Variants in SGK3 observed in about 807,000 individuals in gnomAD.
SGK3 encodes the protein serine/threonine-protein kinase Sgk3.
SGK3 carries 47 observed loss-of-function variants against 68.5 expected under a neutral mutation model. That is an observed-to-expected ratio of 0.69 (90% confidence interval 0.54 to 0.87). The LOEUF is 0.87. Ranked by LOEUF, SGK3 falls within the 40% of genes least tolerant of loss-of-function variation. SGK3 has a pLI of 0.00. For synonymous variants in SGK3, 181 were observed against 189.1 expected (o/e 0.96, Z 0.35); for missense variants, 479 against 575.5 (o/e 0.83, Z 1.72).
intron 4 of SGK3, among the ~76,000 whole-genome samples, chr8:66,806,906 A>G (rs1220109325): frequency 6.6e-6 from 1 of 152,168 alleles, no homozygotes; most frequent in Non-Finnish European, 1.5e-5. Flanking sequence ...TTGGTATAAC[A>G]GTGAAGTATC....
At chr8:66,716,419 A>C (rs1804633213) in intron 1 of SGK3, among the ~76,000 whole-genome samples, 1 of 152,176 alleles carries the variant, frequency 6.6e-6, no homozygotes, top group African/African-American at 2.4e-5. Flanking sequence ...AAAGGGAATT[A>C]GGGCAGTGTG....
intron 1 of SGK3, among the ~76,000 whole-genome samples, chr8:66,780,466 G>A (rs1806927694): frequency 6.6e-6 from 1 of 152,162 alleles, no homozygotes; most frequent in East Asian, 1.9e-4. Context: ...GATGAGGGAG[G>A]ATTAAGTTGG....
intron 4 of SGK3, among the ~76,000 whole-genome samples, chr8:66,807,981 G>GA (rs967567718): frequency 1.5e-4 from 23 of 151,074 alleles, no homozygotes; most frequent in South Asian, 1.3e-3. Context: ...CCATTAAATG[G>GA]AAAAAAAAAT....
intron 15 of SGK3, among the ~76,000 whole-genome samples, chr8:66,849,335 A>G (rs1015578874): frequency 1.3e-5 from 2 of 152,144 alleles, no homozygotes; most frequent in African/African-American, 4.8e-5. Flanking sequence ...ATCACTGTCC[A>G]TGTGGCTATT....
At chr8:66,755,369 G>A (rs1805945792) in intron 1 of SGK3, among the ~76,000 whole-genome samples, 1 of 152,184 alleles carries the variant, frequency 6.6e-6, no homozygotes, top group South Asian at 2.1e-4. Context: ...CCCCCTTGGG[G>A]ATGTTAAGTA....
chr8:66,773,690 G>A (rs1328265396), intron 1 of SGK3, among the ~76,000 whole-genome samples: 1 of 152,172 alleles, frequency 6.6e-6, no homozygotes, highest in Non-Finnish European at 1.5e-5. Context: ...ACGTGATAAT[G>A]GAGATGCCTA....
intron 1 of SGK3, among the ~76,000 whole-genome samples, chr8:66,734,084 C>T (rs1280482641): frequency 3.9e-5 from 6 of 152,106 alleles, no homozygotes; most frequent in Admixed American, 3.3e-4. Flanking sequence ...CAGTGAAAAG[C>T]AGTTTGGAAA....
chr8:66,745,223 C>T (rs1805619585), intron 1 of SGK3, among the ~76,000 whole-genome samples: 1 of 151,696 alleles, frequency 6.6e-6, no homozygotes, highest in Non-Finnish European at 1.5e-5. Flanking sequence ...AGAGGTTTTC[C>T]TCAAGTGCCT....
At position 66,847,251 on chromosome 8, in the gene SGK3, T is replaced by C; in HGVS notation, c.1133T>C (p.Leu378Pro). 1.2e-6 allele frequency: 2 copies of C among 1,613,926 alleles called. No individual in the cohort carries two copies. The highest frequency in any genetic ancestry group is 1.7e-6 in the Non-Finnish European group (2 of 1,179,964). ...EMYDNILHKP[L>P]SLRPGVSLTA... ...TATGACAATATCCTTCACAAACCCC[T>C]AAGTTTGAGGCCAGGAGTGAGTCTT... The change falls in exon 15 of 17, where the codon CTA (leucine) becomes CCA (proline). Residue 378 changes from leucine (L) to proline (P), a missense_variant. Leu to Pro is a moderately conservative substitution (Grantham distance 98). Around this residue, in one of 3 missense-constraint regions of SGK3, gnomAD observed 173 missense variants for 214.3 expected, o/e 0.81. Transcript: ENST00000521198.
intron 1 of SGK3, among the ~76,000 whole-genome samples, chr8:66,743,759 C>T (rs1255915222): frequency 1.3e-5 from 2 of 152,224 alleles, no homozygotes; most frequent in Non-Finnish European, 2.9e-5. Flanking sequence ...GGATCTCACT[C>T]ACCTCGGCCT....
At chr8:66,826,784 A>G (rs1809076203) in intron 6 of SGK3, among the ~76,000 whole-genome samples, 1 of 151,994 alleles carries the variant, frequency 6.6e-6, no homozygotes, top group South Asian at 2.1e-4. Flanking sequence ...AGCTGGGATT[A>G]CAGGTGCCCA....
chr8:66,723,129 ATATTTTTTTT>A (rs1159763782), intron 1 of SGK3, among the ~76,000 whole-genome samples: 3 of 40,608 alleles, frequency 7.4e-5, no homozygotes, highest in African/African-American at 2.8e-4. Flanking sequence ...ATATATATAT[ATATTTTTTTT>A]TTTTTTTTTT....
intron 4 of SGK3, among the ~76,000 whole-genome samples, chr8:66,811,905 CATTATA>C (rs1255212684): frequency 1.3e-5 from 2 of 152,162 alleles, no homozygotes; most frequent in African/African-American, 4.8e-5. Flanking sequence ...TACCTAGTGA[CATTATA>C]AATGTCCTTG....
chr8:66,728,917 TAAAA>T (rs879295820), intron 1 of SGK3, among the ~76,000 whole-genome samples: 1 of 139,810 alleles, frequency 7.2e-6, no homozygotes, highest in South Asian at 2.4e-4. Context: ...CTCTGCCTCT[TAAAA>T]AAAAAAAAAA....
chr8:66,837,528 C>T (rs1490077415), intron 10 of SGK3, among the ~76,000 whole-genome samples: 1 of 152,144 alleles, frequency 6.6e-6, no homozygotes, highest in African/African-American at 2.4e-5. Flanking sequence ...CACCTATGAT[C>T]CCAGCAATTT....
chr8:66,747,073 G>A (rs973037795), intron 1 of SGK3, among the ~76,000 whole-genome samples: 2 of 151,464 alleles, frequency 1.3e-5, no homozygotes, highest in African/African-American at 2.4e-5. Flanking sequence ...AAAAAAAAAG[G>A]GTTTTTTTTC....
At chr8:66,857,088 G>C (rs1048501802) in intron 16 of SGK3, among the ~76,000 whole-genome samples, 6 of 151,804 alleles carry the variant, frequency 4.0e-5, no homozygotes, top group African/African-American at 1.5e-4. Context: ...ATGAGATTCT[G>C]TCTCAAAAAA....
At chr8:66,839,974 T>C in intron 10 of SGK3, 29 bp from the exon 11 acceptor site, 2 of 1,593,516 alleles carry the variant, frequency 1.3e-6, no homozygotes, top group Non-Finnish European at 1.7e-6. Flanking sequence ...ACATTCTCTC[T>C]CCCCCCACCC....
At chr8:66,760,334 T>TC (rs1806122332) in intron 1 of SGK3, among the ~76,000 whole-genome samples, 1 of 122,054 alleles carries the variant, frequency 8.2e-6, no homozygotes, top group Non-Finnish European at 1.7e-5. Context: ...TTTTTTCTTT[T>TC]TTTTTTTTTT....
Sources: allele counts gnomAD v4.1 joint callset (sites outside exome capture counted in the v4.1 genomes callset), GRCh38; gene constraint gnomAD v4.1.1; regional missense constraint gnomAD v4.1.1; transcripts MANE v1.5; gene names NCBI Gene and HGNC (gene_info 2026-07-23, HGNC 2026-07-21).